The following GNAQ variants were observed in gnomAD, a reference collection of about 807,000 sequenced individuals.
The protein encoded by GNAQ is G protein subunit alpha q, also known as guanine nucleotide-binding protein G(q) subunit alpha.
A neutral mutation model predicts 43.9 loss-of-function variants in GNAQ; 8 were observed. The ratio of observed to expected loss-of-function variants is 0.18; its 90% confidence interval spans 0.11 to 0.33. GNAQ has a LOEUF of 0.33. GNAQ is among the 10% of genes least tolerant of loss of function. The probability of loss-of-function intolerance (pLI) is 1.00; values close to 1 mark genes in which losing one functional copy is unlikely to be tolerated. For synonymous variants in GNAQ, 155 were observed against 170.7 expected, an observed-to-expected ratio of 0.91 and a Z score of 0.71; for missense variants, 158 against 450.8, an observed-to-expected ratio of 0.35 and a Z score of 5.88.
chr9:77,801,616 G>T (rs1329517741), intron 3 of GNAQ, among the ~76,000 whole-genome samples: 1 of 152,082 alleles, frequency 6.6e-6, no homozygotes, highest in Non-Finnish European at 1.5e-5. Flanking sequence ...ACTTTGCTTG[G>T]GGTGAAAGAG....
At chr9:77,870,569 GC>G (rs1828022064) in intron 2 of GNAQ, among the ~76,000 whole-genome samples, 2 of 151,664 alleles carry the variant, frequency 1.3e-5, no homozygotes, top group African/African-American at 4.8e-5. Context: ...CTCGTGATCC[GC>G]CCGCCTTGCC....
At chr9:78,012,717 TATATATAC>T (rs985083478) in intron 1 of GNAQ, among the ~76,000 whole-genome samples, 1 of 152,162 alleles carries the variant, frequency 6.6e-6, no homozygotes, top group African/African-American at 2.4e-5. Context: ...GACACAAATA[TATATATAC>T]ATATATGTAC....
intron 5 of GNAQ, among the ~76,000 whole-genome samples, chr9:77,791,744 T>C (rs1826577398): frequency 6.6e-6 from 1 of 152,180 alleles, no homozygotes; most frequent in African/African-American, 2.4e-5. Flanking sequence ...CTGCAATGCA[T>C]TTTCCACAGT....
intron 2 of GNAQ, among the ~76,000 whole-genome samples, chr9:77,816,022 C>G (rs1046650171): frequency 1.6e-4 from 25 of 152,120 alleles, no homozygotes; most frequent in African/African-American, 5.1e-4. Flanking sequence ...GTGGCGTATT[C>G]AGCTCTCCCA....
chr9:77,792,565 G>C (rs1826592840), intron 5 of GNAQ, among the ~76,000 whole-genome samples: 1 of 152,126 alleles, frequency 6.6e-6, no homozygotes, highest in African/African-American at 2.4e-5. Flanking sequence ...TGAAGAACCA[G>C]ATTCAATTCG....
At chr9:77,936,675 A>G (rs997236176) in intron 1 of GNAQ, among the ~76,000 whole-genome samples, 4 of 152,224 alleles carry the variant, frequency 2.6e-5, no homozygotes, top group African/African-American at 9.6e-5. Flanking sequence ...AAGTTGGGTG[A>G]TATTTCCAGG....
At chr9:77,745,611 CAA>C (rs5898559) in intron 5 of GNAQ, among the ~76,000 whole-genome samples, 4 of 151,314 alleles carry the variant, frequency 2.6e-5, no homozygotes, top group South Asian at 2.1e-4. Context: ...TGCACACACA[CAA>C]AAAAAAAATC....
intron 2 of GNAQ, among the ~76,000 whole-genome samples, chr9:77,829,948 C>T (rs1564123499): frequency 1.3e-5 from 2 of 151,928 alleles, no homozygotes; most frequent in Non-Finnish European, 2.9e-5. Flanking sequence ...GAGACATGAC[C>T]AATTTTTTTT....
chr9:77,995,674 G>T (rs889205369), intron 1 of GNAQ, among the ~76,000 whole-genome samples: 34 of 151,966 alleles, frequency 2.2e-4, no homozygotes, highest in African/African-American at 8.0e-4. Context: ...TAGAAATGGG[G>T]TCTCACTATG....
At chr9:77,819,045 A>G (rs1827068616) in intron 2 of GNAQ, among the ~76,000 whole-genome samples, 1 of 149,318 alleles carries the variant, frequency 6.7e-6, no homozygotes, top group African/African-American at 2.5e-5. Context: ...AAAAATACCT[A>G]GTATGATTTA....
intron 1 of GNAQ, among the ~76,000 whole-genome samples, chr9:78,009,947 AAACATG>A (rs1198720410): frequency 6.6e-6 from 1 of 152,242 alleles, no homozygotes; most frequent in Non-Finnish European, 1.5e-5. Flanking sequence ...AAAATGAAAC[AAACATG>A]AACTGGTACT....
chr9:77,956,346 T>C (rs1040880163), intron 1 of GNAQ, among the ~76,000 whole-genome samples: 3 of 152,238 alleles, frequency 2.0e-5, no homozygotes, highest in Admixed American at 1.3e-4. Flanking sequence ...AATTTAAGAT[T>C]CCTAGCTATC....
chr9:77,749,266 T>G (rs1002385480), intron 5 of GNAQ, among the ~76,000 whole-genome samples: 1 of 152,132 alleles, frequency 6.6e-6, no homozygotes, highest in Non-Finnish European at 1.5e-5. Context: ...GGAATGAGGC[T>G]CCACTGTACA....
intron 2 of GNAQ, among the ~76,000 whole-genome samples, chr9:77,902,912 G>T (rs1040043705): frequency 6.6e-6 from 1 of 152,110 alleles, no homozygotes; most frequent in Non-Finnish European, 1.5e-5. Context: ...ATGCAAGCTG[G>T]AGTTTCTGCT....
intron 5 of GNAQ, among the ~76,000 whole-genome samples, chr9:77,777,903 T>C (rs895578376): frequency 6.6e-6 from 1 of 152,014 alleles, no homozygotes; most frequent in Non-Finnish European, 1.5e-5. Flanking sequence ...TAAGAACAGT[T>C]TGGTATGTCC....
intron 1 of GNAQ, among the ~76,000 whole-genome samples, chr9:77,970,711 A>G (rs1038671338): frequency 1.3e-5 from 2 of 152,210 alleles, no homozygotes; most frequent in African/African-American, 4.8e-5. Flanking sequence ...CAACACCGTA[A>G]CATCACAATT....
chr9:77,913,603 G>A (rs1479028927), intron 2 of GNAQ, among the ~76,000 whole-genome samples: 1 of 152,130 alleles, frequency 6.6e-6, no homozygotes. Flanking sequence ...CAACGTGGGT[G>A]AATTCCACAA....
intron 5 of GNAQ, among the ~76,000 whole-genome samples, chr9:77,765,232 GC>G (rs1826116671): frequency 1.3e-5 from 2 of 152,182 alleles, no homozygotes; most frequent in African/African-American, 4.8e-5. Flanking sequence ...ACAAAAAATA[GC>G]TATTATCAAC....
intron 1 of GNAQ, among the ~76,000 whole-genome samples, chr9:77,983,399 T>C (rs1478070806): frequency 3.3e-5 from 5 of 152,192 alleles, no homozygotes; most frequent in African/African-American, 1.2e-4. Flanking sequence ...AATTCCTCCA[T>C]GGGTAGCCTC....
Sources: allele counts gnomAD v4.1 joint callset (sites outside exome capture counted in the v4.1 genomes callset), GRCh38; gene constraint gnomAD v4.1.1; transcripts MANE v1.5; gene names NCBI Gene and HGNC (gene_info 2026-07-23, HGNC 2026-07-21).